Variants in DENND4C observed in about 807,000 individuals in gnomAD.
DENND4C encodes the protein DENN domain containing 4C, also known as DENN domain-containing protein 4C.
A neutral mutation model predicts 203.0 loss-of-function variants in DENND4C; 108 were observed. The ratio of observed to expected loss-of-function variants is 0.53; its 90% CI spans 0.46 to 0.62. The LOEUF (loss-of-function observed/expected upper bound fraction) is 0.62, where lower values mean the gene tolerates loss of function less well. Ranked by LOEUF, DENND4C falls within the 20% of genes least tolerant of loss-of-function variation. DENND4C has a pLI of 0.00. For missense variants in DENND4C, 2,481 were observed against 2,301.2 expected, an observed-to-expected ratio of 1.08 and a Z score of -1.60; for synonymous variants, 871 against 792.4, an observed-to-expected ratio of 1.10 and a Z score of -1.67.
chr9:19,349,004 C>G (rs1296867581), intron 23 of DENND4C, among the ~76,000 whole-genome samples: 5 of 152,060 alleles, frequency 3.3e-5, no homozygotes, highest in Non-Finnish European at 4.4e-5. Context: ...TAGGGTCTTG[C>G]TATGTTGCCC....
Position 19,352,138 on chromosome 9 carries a change from C to T in DENND4C, c.4561C>T (p.Gln1521Ter). 1 of 1,613,852 alleles carries T rather than the reference C, an allele frequency of 6.2e-7. No individual in the cohort carries two copies. The highest frequency in any genetic ancestry group is 8.5e-7 in the Non-Finnish European group (1 of 1,179,894). The change falls in exon 25 of 33, where the codon CAA becomes TAA. Residue 1521 changes from glutamine (Q) to a stop codon, truncating the protein, a stop_gained. Coordinates refer to ENST00000434457, the MANE Select transcript of DENND4C (RefSeq NM_001330640.2). LOFTEE classifies it high-confidence loss of function. ...TGAAAAATCAGATCATGGTTCTTCT[C>T]AAAATACCAGCATGTCTAGCATCTA... ...DFEKSDHGSS[Q>*]NTSMSSIYQN...
In DENND4C at chr9:19,330,085, A is replaced by T. The variant is rs948254783; in HGVS notation, c.2254-1893A>T. Among the ~76,000 whole-genome samples the T allele has an allele frequency of 2.0e-5, 3 of 152,138 alleles. No homozygotes were observed. In the East Asian group the frequency reaches 5.8e-4, roughly 29 times the overall value. Reference sequence around the variant, plus strand: ...TTTCATACAGTTCATATTTCTTTCAATGTTGTCTGAAGAGAATACTAAAGA... The same window carrying T: ...TTTCATACAGTTCATATTTCTTTCATTGTTGTCTGAAGAGAATACTAAAGA... On this transcript the variant is annotated intron_variant, in intron 16 of 32. Coordinates refer to ENST00000434457, the MANE Select transcript of DENND4C (RefSeq NM_001330640.2).
chr9:19,255,160 C>T (rs1827633730), intron 1 of DENND4C, among the ~76,000 whole-genome samples: 1 of 151,900 alleles, frequency 6.6e-6, no homozygotes, highest in South Asian at 2.1e-4. Context: ...CTCAGTGGCT[C>T]AGGAGGTGGA....
Position 19,346,666 on chromosome 9 carries a change from T to A in DENND4C, c.3897T>A (p.Ser1299=). Residue 1299 remains serine (S), a synonymous_variant, in exon 23 of 33, where the codon TCT becomes TCA. Coordinates refer to ENST00000434457, the MANE Select transcript of DENND4C (RefSeq NM_001330640.2). ...MNLKSPLGSK[S]SSMELHREEN... ...TAAAAAGTCCCCTAGGTAGTAAATC[T>A]TCTAGTATGGAATTACACAGAGAGG... The A allele has an allele frequency of 3.1e-6, 5 of 1,614,158 alleles. No individual in the cohort carries two copies. The highest frequency in any genetic ancestry group is 4.2e-6 in the Non-Finnish European group (5 of 1,180,038).
In DENND4C at chr9:19,350,835, G is replaced by A. The variant is rs865929608; in HGVS notation, c.4451G>A (p.Ser1484Asn). The A allele has an allele frequency of 1.9e-6, 3 of 1,614,044 alleles. No homozygotes were observed. The highest frequency in any genetic ancestry group is 1.7e-5 in the Admixed American group (1 of 60,016). The change falls in exon 24 of 33, where the codon AGT becomes AAT. Residue 1484 changes from serine (S) to asparagine (N), a missense_variant. Ser to Asn is a conservative substitution (Grantham distance 46). Around this residue, in one of 3 missense-constraint regions of DENND4C, gnomAD observed 2,289 missense variants for 2,113.3 expected, o/e 1.08. Coordinates refer to ENST00000434457, the MANE Select transcript of DENND4C (RefSeq NM_001330640.2). ...ELTQSNTSLG[S>N]SSSSGDVGKL... ...ACCCAGAGCAACACAAGTCTTGGCA[G>A]TAGCAGCAGTAGTGGAGATGTAGGA...
chr9:19,259,511 T>C lies in DENND4C; in HGVS notation c.-17-16647T>C, dbSNP rs578038765. On this transcript the variant is annotated intron_variant, in intron 1 of 32. Coordinates refer to ENST00000434457, the MANE Select transcript of DENND4C (RefSeq NM_001330640.2). ...ATATTTTCTTTTCTTTTTTCTTTTTTTTTTTTTTTTGAGATGGAGTTTTGC... is the reference window on the plus strand; with the variant it reads ...ATATTTTCTTTTCTTTTTTCTTTTTCTTTTTTTTTTGAGATGGAGTTTTGC... Among the ~76,000 whole-genome samples the C allele has an allele frequency of 5.7e-4, 86 of 150,370 alleles. 2 individuals carry two copies. In the South Asian group the frequency reaches 0.013, roughly 22 times the overall value.
At chr9:19,317,219 C>G (rs1016935340) in intron 12 of DENND4C, among the ~76,000 whole-genome samples, 1 of 133,034 alleles carries the variant, frequency 7.5e-6, no homozygotes, top group African/African-American at 2.9e-5. Context: ...CAGAGTCTTG[C>G]TGTGTTGGCC....
rs1828943528 is a variant in DENND4C, at chr9:19,372,048, A to G, written c.5752A>G (p.Asn1918Asp). The part of the protein sequence containing the change: ...RENIDIEAFD[N>D]EYGIAYNSLS... ...AAAATTTCTTTCAGAGGCATTTGACAATGAATATGGAATTGCATACAATAG... is the reference window on the plus strand; with the variant it reads ...AAAATTTCTTTCAGAGGCATTTGACGATGAATATGGAATTGCATACAATAG... The change falls in exon 33 of 33, where the codon AAT (asparagine) becomes GAT (aspartate). Residue 1918 changes from asparagine to aspartate, a missense_variant. Asn to Asp is a conservative substitution (Grantham distance 23). Transcript: ENST00000434457. 2 of 1,601,928 alleles carry G rather than the reference A, an allele frequency of 1.2e-6. No homozygotes were observed.
At chr9:19,270,328 T>G (rs144918615) in intron 1 of DENND4C, among the ~76,000 whole-genome samples, 2 of 152,288 alleles carry the variant, frequency 1.3e-5, no homozygotes, top group East Asian at 3.9e-4. Context: ...TAGCCAGGCT[T>G]GTGTTTTTCC....
In DENND4C at chr9:19,354,082, A is replaced by T. The variant is rs532504201; in HGVS notation, c.4781+1417A>T. ...ATTCTACGAAGACACTGACTCTGCTAAGTGTGATATATATCTAAATTTACT... is the reference window on the plus strand; with the variant it reads ...ATTCTACGAAGACACTGACTCTGCTTAGTGTGATATATATCTAAATTTACT... On this transcript the variant is annotated intron_variant, in intron 26 of 32. Coordinates refer to ENST00000434457, the MANE Select transcript of DENND4C (RefSeq NM_001330640.2). Among the ~76,000 whole-genome samples the T allele has an allele frequency of 4.6e-5, 7 of 152,280 alleles. No homozygotes were observed. In the South Asian group the frequency reaches 1.4e-3, roughly 32 times the overall value.
At chr9:19,238,170 C>A (rs1340457501) in intron 1 of DENND4C, among the ~76,000 whole-genome samples, 2 of 151,120 alleles carry the variant, frequency 1.3e-5, no homozygotes, top group Non-Finnish European at 3.0e-5. Context: ...GCAACCTGTG[C>A]CTCCTGGATT....
At chr9:19,307,429 A>G (rs952338597) in intron 10 of DENND4C, among the ~76,000 whole-genome samples, 2 of 151,304 alleles carry the variant, frequency 1.3e-5, no homozygotes, top group African/African-American at 4.9e-5. Context: ...AATACCTCCA[A>G]ATTATACAGA....
At chr9:19,241,364 T>C (rs1007026905) in intron 1 of DENND4C, among the ~76,000 whole-genome samples, 5 of 152,166 alleles carry the variant, frequency 3.3e-5, no homozygotes, top group African/African-American at 9.7e-5. Flanking sequence ...TTCTGTAAGC[T>C]TTTTTCTATT....
intron 10 of DENND4C, among the ~76,000 whole-genome samples, chr9:19,308,357 T>G (rs923036387): frequency 3.9e-5 from 6 of 152,210 alleles, no homozygotes; most frequent in African/African-American, 1.4e-4. Flanking sequence ...CTTTTAAATT[T>G]TTTACCAATT....
intron 1 of DENND4C, among the ~76,000 whole-genome samples, chr9:19,263,671 T>TTTTTTTTTTTTA (rs1190088245): frequency 6.6e-6 from 1 of 151,292 alleles, no homozygotes; most frequent in Non-Finnish European, 1.5e-5. Flanking sequence ...TTTTTTTTTT[T>TTTTTTTTTTTTA]AAGACAGAAT....
rs74664928 is a variant in DENND4C at position 19,268,103 on chromosome 9, A to AT, written c.-17-8043dup. The stretch of plus-strand genomic sequence containing the variant: ...GTGTATGTGTTGTAGGTTTTTGGGT[A>AT]TTTTTTTTTTTTCCCGTACAGAGTC... On this transcript the variant is annotated intron_variant, in intron 1 of 32. Transcript: ENST00000434457. Among the ~76,000 whole-genome samples, 248 of 144,460 alleles carry AT rather than the reference A, an allele frequency of 1.7e-3. 1 individual carries two copies. Among genetic ancestry groups the AT allele is most frequent in the African/African-American group, 5.4e-3 (210 of 38,770 alleles). The allele number at this position is 144,460 out of a possible 152,430, so 94.8% of individuals were successfully genotyped here.
chr9:19,314,047 A>G (rs1438092838), intron 10 of DENND4C, among the ~76,000 whole-genome samples: 1 of 152,042 alleles, frequency 6.6e-6, no homozygotes, highest in Non-Finnish European at 1.5e-5. Context: ...GTGCCACTCC[A>G]CTGCAGCCTG....
intron 1 of DENND4C, among the ~76,000 whole-genome samples, chr9:19,261,873 A>C (rs59549211): frequency 1.3e-5 from 2 of 150,288 alleles, no homozygotes; most frequent in South Asian, 4.3e-4. Context: ...TAGTTGTAGC[A>C]ATTTTTTACT....
chr9:19,317,854 A>G (rs766752034), intron 12 of DENND4C, among the ~76,000 whole-genome samples: 1 of 152,246 alleles, frequency 6.6e-6, no homozygotes, highest in Admixed American at 6.5e-5. Context: ...CCAGTATTTC[A>G]AAATGGGTGT....
Sources: allele counts gnomAD v4.1 joint callset (sites outside exome capture counted in the v4.1 genomes callset), GRCh38; gene constraint gnomAD v4.1.1; regional missense constraint gnomAD v4.1.1; transcripts MANE v1.5; gene names NCBI Gene and HGNC (gene_info 2026-07-23, HGNC 2026-07-21).